MAOB: variants seen among roughly 807,000 people sequenced by gnomAD.
MAOB encodes the protein amine oxidase [flavin-containing] B.
MAOB carries 15 observed loss-of-function variants against 41.9 expected under a neutral mutation model. The observed-to-expected ratio is 0.36, with a 90% CI of 0.24 to 0.55. The LOEUF is 0.55. MAOB is among the 20% of genes least tolerant of loss of function. MAOB has a pLI of 0.86. For missense variants in MAOB, 345 were observed against 398.7 expected, an observed-to-expected ratio of 0.87 and a Z score of 1.15; for synonymous variants, 167 against 144.2, an observed-to-expected ratio of 1.16 and a Z score of -1.13.
At chrX:43,837,726 G>A (rs1488292764) in intron 3 of MAOB, 1 of 243,243 alleles carries the variant, frequency 4.1e-6, no homozygotes, top group African/African-American at 2.9e-5. Context: ...TGTCTTCTAA[G>A]GGGATGTTTT....
At chrX:43,880,838 G>C (rs1421666584) in intron 1 of MAOB, among the ~76,000 whole-genome samples, 1 of 112,127 alleles carries the variant, frequency 8.9e-6, no homozygotes. Flanking sequence ...AATGACTTCG[G>C]GGGCCTGAAA....
rs142791484 is a variant in MAOB, at chrX:43,796,577, G to C, written c.618+548C>G. On this transcript the variant is annotated intron_variant, in intron 6 of 14. Transcript: ENST00000378069. ...GAAAAGGAGGAGGAGAAAGAGGAGGGGGAGGAGGAGAAGAGAAAGAAAGAA... is the reference window on the plus strand; with the variant it reads ...GAAAAGGAGGAGGAGAAAGAGGAGGCGGAGGAGGAGAAGAGAAAGAAAGAA... Among the ~76,000 whole-genome samples the C allele has an allele frequency of 5.2e-3, 580 of 110,790 alleles. 3 individuals are homozygous for C. Among genetic ancestry groups the C allele is most frequent in the Non-Finnish European group, 7.2e-3 (379 of 52,933 alleles).
intron 1 of MAOB, among the ~76,000 whole-genome samples, chrX:43,865,738 C>A (rs935799939): frequency 9.2e-5 from 10 of 108,657 alleles, no homozygotes. Context: ...CTTCTACGAA[C>A]AACCATTGTT....
intron 1 of MAOB, among the ~76,000 whole-genome samples, chrX:43,880,845 G>A (rs963109917): frequency 8.9e-6 from 1 of 112,349 alleles, no homozygotes; most frequent in African/African-American, 3.2e-5. Flanking sequence ...TCGGGGGCCT[G>A]AAAAGAGAAA....
At chrX:43,876,281 C>A (rs2035439037) in intron 1 of MAOB, among the ~76,000 whole-genome samples, 1 of 111,706 alleles carries the variant, frequency 9.0e-6, no homozygotes, top group South Asian at 3.7e-4. Context: ...TTATTAATAA[C>A]AAAAATTCCC....
chrX:43,838,910 G>A lies in MAOB; in HGVS notation c.237C>T (p.Thr79=). 8.3e-7 allele frequency: 1 copy of A among 1,205,662 alleles called. No individual in the cohort carries two copies. The highest frequency in any genetic ancestry group is 1.1e-6 in the Non-Finnish European group (1 of 892,193). ...LRLAKELGLE[T]YKVNEVERLI... ...GACGCTCAACCTCATTCACTTTGTA[G>A]GTCTCCAATCCTAGCTCCTTGGCTA... Residue 79 remains threonine (T), a synonymous_variant, in exon 3 of 15, where the codon ACC becomes ACT. Coordinates refer to ENST00000378069, the MANE Select transcript of MAOB (RefSeq NM_000898.5).
chrX:43,823,265 C>T (rs1319697448), intron 3 of MAOB, among the ~76,000 whole-genome samples: 5 of 104,974 alleles, frequency 4.8e-5, no homozygotes, highest in South Asian at 4.6e-4. Context: ...ATCCACCTCC[C>T]GGGTTCCAGT....
intron 3 of MAOB, among the ~76,000 whole-genome samples, chrX:43,827,180 T>C (rs1185301424): frequency 6.3e-5 from 7 of 111,822 alleles, no homozygotes; most frequent in Non-Finnish European, 1.1e-4. Context: ...TGGTTACCAA[T>C]GGCTGCATAA....
At chrX:43,848,205 G>C (rs1217492250) in intron 1 of MAOB, among the ~76,000 whole-genome samples, 1 of 111,801 alleles carries the variant, frequency 8.9e-6, no homozygotes, top group Admixed American at 9.5e-5. Flanking sequence ...CTTAAGGGCA[G>C]TTAGAGGAGC....
At chrX:43,822,412 T>C (rs191807895) in intron 3 of MAOB, among the ~76,000 whole-genome samples, 1 of 111,895 alleles carries the variant, frequency 8.9e-6, no homozygotes, top group Admixed American at 9.5e-5. Context: ...TTAAAGGAGA[T>C]TCACTTGTTG....
chrX:43,861,638 A>G (rs896141653), intron 1 of MAOB, among the ~76,000 whole-genome samples: 1 of 111,550 alleles, frequency 9.0e-6, no homozygotes, highest in Admixed American at 9.6e-5. Context: ...CTTGTCAGAA[A>G]ACTAAAATGC....
At chrX:43,769,115 A>G (rs915310805) in intron 13 of MAOB, among the ~76,000 whole-genome samples, 192 bp downstream of exon 13, 6 of 111,566 alleles carry the variant, frequency 5.4e-5, no homozygotes, top group African/African-American at 2.0e-4. Flanking sequence ...TTCGGGTGAC[A>G]TGTTAGGTAT....
intron 1 of MAOB, among the ~76,000 whole-genome samples, chrX:43,876,757 T>C (rs755376249): frequency 8.9e-6 from 1 of 112,959 alleles, no homozygotes; most frequent in African/African-American, 3.2e-5. Flanking sequence ...TCACATCATC[T>C]GTGTTAGTAA....
chrX:43,829,085 G>A (rs1001639502), intron 3 of MAOB, among the ~76,000 whole-genome samples: 6 of 111,990 alleles, frequency 5.4e-5, no homozygotes, highest in African/African-American at 1.9e-4. Flanking sequence ...ATGAGTAGAA[G>A]CTGTCTGTAG....
chrX:43,768,803 T>C, intron 13 of MAOB, 87 bp from the exon 14 acceptor site: 1 of 793,024 alleles, frequency 1.3e-6, no homozygotes, highest in Admixed American at 2.4e-5. Context: ...TAACTGTCTC[T>C]TGAGATATCC....
At chrX:43,771,420 G>A (rs754870810) in intron 12 of MAOB, among the ~76,000 whole-genome samples, 4 of 111,637 alleles carry the variant, frequency 3.6e-5, no homozygotes, top group Non-Finnish European at 5.6e-5. Context: ...TGTATTAAGC[G>A]CATTTTCCAC....
chrX:43,878,757 T>C (rs969315285), intron 1 of MAOB, among the ~76,000 whole-genome samples: 6 of 110,647 alleles, frequency 5.4e-5, no homozygotes, highest in African/African-American at 1.6e-4. Flanking sequence ...CATAACCCCT[T>C]GTGAGCCATC....
At chrX:43,871,868 T>C (rs896708623) in intron 1 of MAOB, among the ~76,000 whole-genome samples, 2 of 110,474 alleles carry the variant, frequency 1.8e-5, no homozygotes, top group African/African-American at 6.6e-5. Flanking sequence ...TCTGAAACAG[T>C]CGACTATATC....
chrX:43,775,477 TG>T (rs1276433232), intron 11 of MAOB, among the ~76,000 whole-genome samples: 1 of 112,124 alleles, frequency 8.9e-6, no homozygotes, highest in Non-Finnish European at 1.9e-5. Flanking sequence ...GATCTTAGAA[TG>T]TTTTTTTCAT....
Sources: gnomAD v4.1 joint callset for allele counts (sites outside exome capture counted in the v4.1 genomes callset) on GRCh38, gnomAD v4.1.1 for gene constraint, MANE v1.5 for transcripts, NCBI Gene and HGNC (gene_info 2026-07-23, HGNC 2026-07-21) for gene names.